Variants in COQ10B observed in about 807,000 individuals in gnomAD.
The protein encoded by COQ10B is coenzyme Q-binding protein COQ10 homolog B, mitochondrial.
A neutral mutation model predicts 27.6 loss-of-function variants in COQ10B; 12 were observed. The observed-to-expected ratio is 0.43, with a 90% CI of 0.28 to 0.70. The LOEUF is 0.70. Among genes scored for constraint, COQ10B ranks in the 30% least tolerant of loss-of-function variants. COQ10B has a pLI of 0.17. For missense variants in COQ10B, 278 were observed against 288.7 expected (o/e 0.96, Z 0.27); for synonymous variants, 115 against 103.0 (o/e 1.12, Z -0.71).
chr2:197,455,457 C>T, intron 1 of COQ10B, among the ~76,000 whole-genome samples: 1 of 145,592 alleles, frequency 6.9e-6, no homozygotes, highest in African/African-American at 2.5e-5. Context: ...TTGTCTCTAC[C>T]AAAAAAAAGA....
At chr2:197,463,657 G>A (rs917318581) in intron 3 of COQ10B, among the ~76,000 whole-genome samples, 12 of 149,936 alleles carry the variant, frequency 8.0e-5, no homozygotes, top group Non-Finnish European at 1.5e-4. Flanking sequence ...ATATTGGGGG[G>A]CAAAGTGGCT....
At chr2:197,453,850 C>A in intron 1 of COQ10B, 186 bp downstream of exon 1, 1 of 1,201,460 alleles carries the variant, frequency 8.3e-7, no homozygotes, top group Non-Finnish European at 1.2e-6. Context: ...ACCTTGGGCC[C>A]AAGGCTGTGT....
intron 1 of COQ10B, chr2:197,454,348 C>A (rs1053388822): frequency 7.2e-6 from 3 of 419,412 alleles, no homozygotes; most frequent in Non-Finnish European, 1.3e-5. Flanking sequence ...TTGTAATATT[C>A]TTGAAAATTA....
intron 3 of COQ10B, among the ~76,000 whole-genome samples, chr2:197,469,691 T>C (rs1484315635): frequency 6.6e-6 from 1 of 152,234 alleles, no homozygotes. Context: ...GGTATTATTT[T>C]ACAGATTAAG....
intron 1 of COQ10B, among the ~76,000 whole-genome samples, chr2:197,459,197 G>A (rs1389063169): frequency 4.6e-5 from 7 of 152,034 alleles, no homozygotes; most frequent in Non-Finnish European, 2.9e-5. Flanking sequence ...ATAGAGTCTC[G>A]CCCTGTCACC....
At chr2:197,454,199 C>A in intron 1 of COQ10B, 1 of 1,408,748 alleles carries the variant, frequency 7.1e-7, no homozygotes, top group Non-Finnish European at 9.6e-7. Context: ...TCTGCTGTAA[C>A]TTACAGGTCC....
Position 197,473,881 on chromosome 2 carries a change from A to T in COQ10B, c.674A>T (p.Asn225Ile). The T allele has an allele frequency of 6.3e-7, 1 of 1,591,944 alleles. No individual in the cohort carries two copies. Among genetic ancestry groups the T allele is most frequent in the Non-Finnish European group, 8.6e-7 (1 of 1,166,464 alleles). ...RACKLYGPET[N>I]IPRELMLHEV... ...TGTAAGCTGTATGGTCCAGAAACAA[A>T]TATACCTCGGGAGTTAATGCTTCAT... Residue 225 changes from asparagine to isoleucine, a missense_variant, in exon 5 of 5, where the codon AAT (asparagine) becomes ATT (isoleucine). By Grantham distance (149) the Asn-to-Ile change is moderately radical (BLOSUM62 -3). This residue lies in a region of COQ10B where 83 missense variants were observed against 104.5 expected (regional missense o/e 0.79). Transcript: ENST00000263960.
intron 3 of COQ10B, among the ~76,000 whole-genome samples, chr2:197,464,052 C>CTT (rs1574582764): frequency 1.5e-5 from 1 of 67,434 alleles, no homozygotes; most frequent in Non-Finnish European, 3.2e-5. Flanking sequence ...TATATATATA[C>CTT]GTATATATAT....
At chr2:197,455,386 G>A (rs956463336) in intron 1 of COQ10B, among the ~76,000 whole-genome samples, 5 of 152,112 alleles carry the variant, frequency 3.3e-5, no homozygotes, top group Non-Finnish European at 7.3e-5. Flanking sequence ...AACACTTTGG[G>A]AGGCTGAGGC....
intron 1 of COQ10B, chr2:197,453,998 T>C (rs1383583831): frequency 1.3e-6 from 2 of 1,551,110 alleles, no homozygotes; most frequent in Admixed American, 2.0e-5. Context: ...AAGTTTTAAC[T>C]TTGCGCAGAA....
chr2:197,462,209 C>T (rs1255909580), intron 2 of COQ10B, among the ~76,000 whole-genome samples: 2 of 149,466 alleles, frequency 1.3e-5, no homozygotes, highest in Non-Finnish European at 3.0e-5. Flanking sequence ...GTGGAGGTTG[C>T]AGTGAGCCGA....
At chr2:197,462,875 C>T (rs748879299) in intron 3 of COQ10B, 144 bp downstream of exon 3, 3 of 514,682 alleles carry the variant, frequency 5.8e-6, no homozygotes, top group Non-Finnish European at 1.0e-5. Flanking sequence ...AACTGTGTTA[C>T]TTTATACAAT....
intron 4 of COQ10B, among the ~76,000 whole-genome samples, chr2:197,470,992 A>G (rs376304165): frequency 1.3e-5 from 2 of 152,218 alleles, no homozygotes; most frequent in African/African-American, 2.4e-5. Context: ...CTTGAGTCCA[A>G]GGGTTCGAGC....
At chr2:197,473,156 TG>T (rs1372984445) in intron 4 of COQ10B, among the ~76,000 whole-genome samples, 1 of 152,012 alleles carries the variant, frequency 6.6e-6, no homozygotes, top group African/African-American at 2.4e-5. Flanking sequence ...CCCTCTTTTG[TG>T]GGGGTGCTAA....
Position 197,453,571 on chromosome 2 carries a change from G to C in COQ10B, c.11G>C (p.Arg4Pro), listed in dbSNP as rs778004545. 1.9e-6 allele frequency: 3 copies of C among 1,613,566 alleles called. No individual in the cohort carries two copies. Among genetic ancestry groups the C allele is most frequent in the Admixed American group, 1.7e-5 (1 of 59,996 alleles). MAA[R>P]TGHTALRRVV... ...TTCGGAGAGTCTATCATGGCAGCTC[G>C]GACTGGTCATACGGCCTTGAGAAGG... The change falls in exon 1 of 5, where the codon CGG becomes CCG. Residue 4 changes from arginine (R) to proline (P), a missense_variant. Transcript: ENST00000263960.
intron 4 of COQ10B, among the ~76,000 whole-genome samples, chr2:197,473,408 A>G (rs2085900397): frequency 1.5e-5 from 1 of 64,562 alleles, no homozygotes; most frequent in Non-Finnish European, 3.1e-5. Context: ...CCCACAAAAA[A>G]AAAAAAAATA....
chr2:197,459,546 G>A (rs975530399), intron 1 of COQ10B, among the ~76,000 whole-genome samples: 2 of 152,086 alleles, frequency 1.3e-5, no homozygotes, highest in Non-Finnish European at 2.9e-5. Flanking sequence ...TCACTGGAGT[G>A]GATCAAGAAT....
intron 3 of COQ10B, among the ~76,000 whole-genome samples, chr2:197,465,186 G>A (rs2085811303): frequency 6.6e-6 from 1 of 151,366 alleles, no homozygotes; most frequent in African/African-American, 2.4e-5. Context: ...CACCCATCCA[G>A]AACTTAAATC....
intron 3 of COQ10B, among the ~76,000 whole-genome samples, chr2:197,468,166 T>TAC (rs2085844535): frequency 2.6e-5 from 4 of 151,266 alleles, no homozygotes; most frequent in Non-Finnish European, 4.4e-5. Flanking sequence ...GGAGGCCGGG[T>TAC]GTGGTGGCTC....
Sources: allele counts gnomAD v4.1 joint callset (sites outside exome capture counted in the v4.1 genomes callset), GRCh38; gene constraint gnomAD v4.1.1; regional missense constraint gnomAD v4.1.1; transcripts MANE v1.5; gene names NCBI Gene and HGNC (gene_info 2026-07-23, HGNC 2026-07-21).